Variants in IRAK1BP1 observed in about 807,000 individuals in gnomAD.
The protein encoded by IRAK1BP1 is interleukin-1 receptor-associated kinase 1-binding protein 1.
A neutral mutation model predicts 28.0 loss-of-function variants in IRAK1BP1; 24 were observed. That is an observed-to-expected ratio of 0.86 (90% confidence interval 0.62 to 1.20). IRAK1BP1 has a LOEUF of 1.20. Ranked by LOEUF, IRAK1BP1 falls within the 50% of genes most tolerant of loss-of-function variation. IRAK1BP1 has a pLI of 0.00. For missense variants in IRAK1BP1, 336 were observed against 316.7 expected (o/e 1.06, Z -0.46); for synonymous variants, 131 against 116.3 (o/e 1.13, Z -0.81).
downstream of IRAK1BP1, among the ~76,000 whole-genome samples, chr6:78,906,989 G>A (rs1772278485): frequency 6.6e-6 from 1 of 152,134 alleles, no homozygotes; most frequent in Non-Finnish European, 1.5e-5. Context: ...TTCGAAGACT[G>A]AGCAGAATCA....
intron 1 of IRAK1BP1, among the ~76,000 whole-genome samples, chr6:78,885,031 C>A (rs1771367944): frequency 1.3e-5 from 2 of 152,130 alleles, no homozygotes; most frequent in South Asian, 4.1e-4. Context: ...CAAGTCATAA[C>A]ATAAAGGATT....
chr6:78,967,373 C>T, the IRAK1BP1 span, among the ~76,000 whole-genome samples: 8 of 152,154 alleles, frequency 5.3e-5, no homozygotes, highest in African/African-American at 1.4e-4. Context: ...AGAGCTGTAT[C>T]TTATGACCCT....
chr6:78,943,988 TTTAAAAA>T lies in IRAK1BP1; in HGVS notation c.*68-1419_*68-1413del, dbSNP rs1335010433. Among the ~76,000 whole-genome samples the T allele has an allele frequency of 5.3e-4, 13 of 24,414 alleles. 1 individual carries two copies. The South Asian group carries it at 0.035, about 66-fold the overall frequency. The allele number at this position is 24,414 out of a possible 152,430, so 16.0% of individuals were successfully genotyped here. ...GTGACAGAGCAAGATCCTGTCTTTT[TTTAAAAA>T]AAAAAAAAAAAAAAAAAAGGAAGTG... On this transcript the variant is annotated intron_variant and NMD_transcript_variant, in intron 4 of 4. Transcript: ENST00000606868.
the IRAK1BP1 span, among the ~76,000 whole-genome samples, chr6:78,964,070 C>T: frequency 6.4e-4 from 97 of 152,296 alleles, 1 homozygote; most frequent in South Asian, 8.1e-3. Context: ...GGCTGCATTG[C>T]TATCATATTC....
At chr6:78,963,899 C>A in the IRAK1BP1 span, among the ~76,000 whole-genome samples, 1 of 152,130 alleles carries the variant, frequency 6.6e-6, no homozygotes, top group Non-Finnish European at 1.5e-5. Context: ...AATCAAAATT[C>A]TCATCACAAA....
At chr6:78,971,646 A>G in the IRAK1BP1 span, among the ~76,000 whole-genome samples, 1 of 152,100 alleles carries the variant, frequency 6.6e-6, no homozygotes, top group Non-Finnish European at 1.5e-5. Context: ...AGTGCCAGAC[A>G]GTGGGCGCAG....
chr6:78,910,719 G>A (rs1352643626), intron 4 of IRAK1BP1, among the ~76,000 whole-genome samples: 2 of 152,270 alleles, frequency 1.3e-5, no homozygotes, highest in Non-Finnish European at 2.9e-5. Context: ...GCAGGCGGCG[G>A]CCGCAAGGAC....
chr6:78,945,208 A>AC (rs1773736059), intron 4 of IRAK1BP1: 1 of 940,146 alleles, frequency 1.1e-6, no homozygotes, highest in Non-Finnish European at 1.7e-6. Context: ...TAAGTGGGCA[A>AC]CCTGAAAAGT....
the IRAK1BP1 span, among the ~76,000 whole-genome samples, chr6:78,975,536 G>T: frequency 2.0e-5 from 3 of 152,004 alleles, no homozygotes; most frequent in Admixed American, 1.3e-4. Flanking sequence ...CAATTAGGCA[G>T]GAGAAGGAAA....
chr6:78,972,553 GA>G, the IRAK1BP1 span, among the ~76,000 whole-genome samples: 2 of 152,210 alleles, frequency 1.3e-5, no homozygotes, highest in African/African-American at 4.8e-5. Context: ...GCTGAGAGAA[GA>G]AGGCTTCAGA....
intron 4 of IRAK1BP1, among the ~76,000 whole-genome samples, chr6:78,929,790 A>G (rs1310830294): frequency 6.6e-6 from 1 of 152,222 alleles, no homozygotes; most frequent in Non-Finnish European, 1.5e-5. Flanking sequence ...CTTTCTCAAG[A>G]AGAGACAAGT....
At chr6:78,891,663 T>C (rs1199510998) in intron 2 of IRAK1BP1, among the ~76,000 whole-genome samples, 4 of 152,094 alleles carry the variant, frequency 2.6e-5, no homozygotes, top group Non-Finnish European at 5.9e-5. Context: ...GTTTTCACCA[T>C]GTTGGCCGGG....
chr6:78,909,737 T>C (rs1216514328), intron 4 of IRAK1BP1, among the ~76,000 whole-genome samples: 1 of 152,194 alleles, frequency 6.6e-6, no homozygotes, highest in African/African-American at 2.4e-5. Context: ...CCAATTACAA[T>C]GTGTGGAGTT....
At position 78,940,856 on chromosome 6, in the gene IRAK1BP1, G is replaced by A; in HGVS notation, c.*68-4552G>A. 2.5e-6 allele frequency: 4 copies of A among 1,613,888 alleles called. No individual in the cohort carries two copies. The highest frequency in any genetic ancestry group is 3.4e-6 in the Non-Finnish European group (4 of 1,179,894). On this transcript the variant is annotated intron_variant and NMD_transcript_variant, in intron 4 of 4. Transcript: ENST00000606868. ...AGCTGTCCTTCGACCTTGATTTCTA[G>A]TTCTCATGTGGGGTTCAGAGCCTTT...
the IRAK1BP1 span, among the ~76,000 whole-genome samples, chr6:78,961,235 T>C: frequency 6.6e-6 from 1 of 152,036 alleles, no homozygotes. Context: ...TTCAGTGTTA[T>C]AAGTAATGAT....
At chr6:78,974,280 G>C in the IRAK1BP1 span, among the ~76,000 whole-genome samples, 1 of 151,876 alleles carries the variant, frequency 6.6e-6, no homozygotes, top group East Asian at 1.9e-4. Flanking sequence ...ATGACTACTG[G>C]GTACATAATG....
At chr6:78,885,336 C>G (rs768422413) in intron 1 of IRAK1BP1, 42 bp from the exon 2 acceptor site, 2 of 1,114,348 alleles carry the variant, frequency 1.8e-6, no homozygotes, top group Non-Finnish European at 1.3e-6. Flanking sequence ...GTAATTGCAT[C>G]AAATATTTAG....
rs1482446511 is a variant in IRAK1BP1 at position 78,898,317 on chromosome 6, A to G, written c.766A>G (p.Arg256Gly). 12 of 1,555,122 alleles carry G rather than the reference A, an allele frequency of 7.7e-6. No individual in the cohort carries two copies. The highest frequency in any genetic ancestry group is 1.0e-5 in the Non-Finnish European group (12 of 1,145,634). The change falls in exon 4 of 4, where the codon AGA (arginine) becomes GGA (glycine). Residue 256 changes from arginine (R) to glycine (G), a missense_variant. Arg to Gly is a moderately radical substitution (Grantham distance 125). Transcript: ENST00000369940. The part of the protein sequence containing the change: ...ITFEVKGKEK[R>G]KKHL ...TTTTGAGGTAAAGGGAAAAGAGAAG[A>G]GAAAAAAGCACCTTTGAAATTCCAA...
intron 1 of IRAK1BP1, 36 bp from the exon 2 acceptor site, chr6:78,885,342 T>C (rs776620880): frequency 8.5e-6 from 10 of 1,178,472 alleles, no homozygotes; most frequent in Admixed American, 4.0e-5. Context: ...GCATCAAATA[T>C]TTAGTAATCA....
Sources: gnomAD v4.1 joint callset for allele counts (sites outside exome capture counted in the v4.1 genomes callset) on GRCh38, gnomAD v4.1.1 for gene constraint, MANE v1.5 for transcripts, NCBI Gene and HGNC (gene_info 2026-07-23, HGNC 2026-07-21) for gene names.